Variants in NFAT5 observed in about 807,000 individuals in gnomAD.
NFAT5 encodes the protein nuclear factor of activated T-cells 5.
A neutral mutation model predicts 166.5 loss-of-function variants in NFAT5; 31 were observed. The observed-to-expected ratio is 0.19, with a 90% CI of 0.14 to 0.25. NFAT5 has a LOEUF of 0.25. NFAT5 is among the 10% of genes least tolerant of loss of function. The pLI, the probability that NFAT5 is intolerant of heterozygous loss-of-function variation, is 1.00. For missense variants in NFAT5, 1,449 were observed against 1,821.8 expected (o/e 0.80, Z 3.72); for synonymous variants, 612 against 639.7 (o/e 0.96, Z 0.65).
intron 2 of NFAT5, among the ~76,000 whole-genome samples, chr16:69,593,454 G>A (rs2032597430): frequency 6.6e-6 from 1 of 151,796 alleles, no homozygotes; most frequent in Non-Finnish European, 1.5e-5. Flanking sequence ...GGGACCACAG[G>A]TGTGCACCAC....
At chr16:69,572,488 C>T (rs956239637) in intron 2 of NFAT5, among the ~76,000 whole-genome samples, 2 of 151,824 alleles carry the variant, frequency 1.3e-5, no homozygotes. Flanking sequence ...AGTTCAAATT[C>T]GAAGGCTAGG....
In NFAT5 at chr16:69,678,949, CTTTTT is replaced by C. The variant is rs10571728; in HGVS notation, c.1690+1615_1690+1619del. Among the ~76,000 whole-genome samples, 521 of 152,112 alleles carry C rather than the reference CTTTTT, an allele frequency of 3.4e-3. 2 individuals are homozygous for C. Among genetic ancestry groups the C allele is most frequent in the African/African-American group, 0.012 (483 of 41,516 alleles). ...TCACTATTCTCTTTTCTTTTCTTTT[CTTTTT>C]GAGATGGAGTCTTGTGTTGCCCAGG... On this transcript the variant is annotated intron_variant, in intron 10 of 14. Transcript: ENST00000349945.
chr16:69,676,975 A>G (rs2036856223), intron 9 of NFAT5: 1 of 426,894 alleles, frequency 2.3e-6, no homozygotes, highest in Non-Finnish European at 4.1e-6. Context: ...GATGAAGTTG[A>G]CAGGGCAGGG....
intron 2 of NFAT5, among the ~76,000 whole-genome samples, chr16:69,588,020 C>T (rs1044332235): frequency 4.2e-5 from 5 of 119,606 alleles, no homozygotes; most frequent in Non-Finnish European, 6.4e-5. Context: ...TGGTATGATT[C>T]CGGCTTACTG....
rs993768273 is a variant in NFAT5, at chr16:69,565,977, A to AGCG, written c.-314_-312dup. On this transcript the variant is annotated 5_prime_UTR_variant, in exon 1 of 15. Coordinates refer to ENST00000349945, the MANE Select transcript of NFAT5 (RefSeq NM_138713.4). The stretch of plus-strand genomic sequence containing the variant: ...CGGGGGCGGGGCTCAGATTCCTGTC[A>AGCG]GCGGCGGCGGCGGTGGCGGCGACCG... 2.0e-5 allele frequency: 6 copies of AGCG among 303,088 alleles called. No individual in the cohort carries two copies. Among genetic ancestry groups the AGCG allele is most frequent in the South Asian group, 3.7e-5 (1 of 26,964 alleles). The allele number at this position is 303,088 out of a possible 1,614,324, so 18.8% of individuals were successfully genotyped here. A position where few individuals can be genotyped will look rare whatever the true frequency, so the allele number is the denominator to read the frequency against.
At chr16:69,585,696 A>C (rs139975464) in intron 2 of NFAT5, among the ~76,000 whole-genome samples, 85 of 152,350 alleles carry the variant, frequency 5.6e-4, no homozygotes, top group African/African-American at 1.9e-3. Flanking sequence ...ATGACCCTTG[A>C]AAACATACGC....
chr16:69,586,549 C>T (rs1267680410), intron 2 of NFAT5, among the ~76,000 whole-genome samples: 1 of 151,904 alleles, frequency 6.6e-6, no homozygotes, highest in Non-Finnish European at 1.5e-5. Context: ...ATTACAGGTG[C>T]CCACCACCAT....
chr16:69,574,715 C>G (rs1364101275), intron 2 of NFAT5, among the ~76,000 whole-genome samples: 1 of 151,326 alleles, frequency 6.6e-6, no homozygotes, highest in African/African-American at 2.4e-5. Context: ...GTCACCCAGG[C>G]TGGAGTGCAG....
At chr16:69,646,578 G>T in intron 3 of NFAT5, 1 of 1,222,272 alleles carries the variant, frequency 8.2e-7, no homozygotes, top group Non-Finnish European at 1.1e-6. Flanking sequence ...CTGCTTCATA[G>T]GTTAGAAACT....
chr16:69,568,187 G>T (rs959469558), intron 1 of NFAT5, among the ~76,000 whole-genome samples: 2 of 152,098 alleles, frequency 1.3e-5, no homozygotes, highest in African/African-American at 4.8e-5. Context: ...GGGCGTGGTG[G>T]TGCATGCCTG....
chr16:69,696,338 T>C (rs960518793), intron 14 of NFAT5, 22 bp from the exon 15 acceptor site: 3 of 152,418 alleles, frequency 2.0e-5, no homozygotes, highest in African/African-American at 7.2e-5. Flanking sequence ...GTAAGTTAAA[T>C]TAAACTTTTT....
intron 2 of NFAT5, among the ~76,000 whole-genome samples, chr16:69,602,476 C>T (rs901885024): frequency 1.2e-4 from 19 of 152,070 alleles, no homozygotes; most frequent in Non-Finnish European, 8.8e-5. Context: ...CCATATTGCT[C>T]AGGCTGGTCT....
At chr16:69,594,565 T>C (rs1182367639) in intron 2 of NFAT5, among the ~76,000 whole-genome samples, 3 of 152,206 alleles carry the variant, frequency 2.0e-5, no homozygotes, top group African/African-American at 7.2e-5. Context: ...TTCTGTATAT[T>C]CTGTATTATG....
chr16:69,656,790 C>T (rs2035900370), intron 6 of NFAT5, among the ~76,000 whole-genome samples: 9 of 152,160 alleles, frequency 5.9e-5, no homozygotes, highest in Admixed American at 5.9e-4. Context: ...TGCCTTATTC[C>T]ATCTTGATGT....
At position 69,704,228 on chromosome 16, in the gene NFAT5, A is replaced by C. The variant is rs1056834443; in HGVS notation, c.*7877A>C. 6.6e-6 allele frequency: 1 copy of C among 152,584 alleles called. No individual in the cohort carries two copies. The highest frequency in any genetic ancestry group is 2.4e-5 in the African/African-American group (1 of 41,444). 9.5% of individuals were successfully genotyped at this position (152,584 alleles called of 1,614,324 possible). Reference sequence around the variant, plus strand: ...AATTGATAAGCTCCAAGTAGTTGCTAATTTTTTGACAACTTTAAATGAGTT... The same window carrying C: ...AATTGATAAGCTCCAAGTAGTTGCTCATTTTTTGACAACTTTAAATGAGTT... On this transcript the variant is annotated 3_prime_UTR_variant, in exon 15 of 15. Coordinates refer to ENST00000349945, the MANE Select transcript of NFAT5 (RefSeq NM_138713.4).
intron 3 of NFAT5, among the ~76,000 whole-genome samples, chr16:69,636,482 C>T (rs536687424): frequency 1.3e-5 from 2 of 152,314 alleles, no homozygotes; most frequent in East Asian, 3.9e-4. Context: ...CAGAGGTTCT[C>T]CGTGAGGGCC....
At chr16:69,646,680 A>G (rs2035451158) in intron 3 of NFAT5, 2 of 301,966 alleles carry the variant, frequency 6.6e-6, no homozygotes, top group Non-Finnish European at 1.1e-5. Context: ...ACCAGCATAT[A>G]TTTCATATTG....
chr16:69,581,534 T>A (rs1347455567), intron 2 of NFAT5, among the ~76,000 whole-genome samples: 1 of 152,234 alleles, frequency 6.6e-6, no homozygotes, highest in Non-Finnish European at 1.5e-5. Context: ...CTTTCCATGA[T>A]GGCTGCACCA....
Position 69,697,990 on chromosome 16 carries a change from TGTG to T in NFAT5, c.*1643_*1645del, listed in dbSNP as rs1275517194. 1.3e-4 allele frequency: 20 copies of T among 151,698 alleles called. No individual in the cohort carries two copies. Among genetic ancestry groups the T allele is most frequent in the Admixed American group, 9.2e-4 (14 of 15,188 alleles). The allele number at this position is 151,698 out of a possible 1,614,324, so 9.4% of individuals were successfully genotyped here. ...TACATTTAGTTGAACTGTGCGGAAT[TGTG>T]GTGTTGGTTTTGTTTACACAGCCAG... is the stretch of plus-strand genomic sequence containing the variant. On this transcript the variant is annotated 3_prime_UTR_variant, in exon 15 of 15. Coordinates refer to ENST00000349945, the MANE Select transcript of NFAT5 (RefSeq NM_138713.4).
Sources: allele counts gnomAD v4.1 joint callset (sites outside exome capture counted in the v4.1 genomes callset), GRCh38; gene constraint gnomAD v4.1.1; transcripts MANE v1.5; gene names NCBI Gene and HGNC (gene_info 2026-07-23, HGNC 2026-07-21).